Variants in ZNF431 observed in about 807,000 individuals in gnomAD.
The protein encoded by ZNF431 is zinc finger protein 431.
ZNF431 carries 34 observed loss-of-function variants against 57.0 expected under a neutral mutation model. The ratio of observed to expected loss-of-function variants is 0.60; its 90% CI spans 0.45 to 0.79. The LOEUF is 0.79. Ranked by LOEUF, ZNF431 falls within the 30% of genes least tolerant of loss-of-function variation. ZNF431 has a pLI of 0.00. For synonymous variants in ZNF431, 207 were observed against 220.3 expected (o/e 0.94, Z 0.54); for missense variants, 607 against 667.1 (o/e 0.91, Z 0.99).
Position 21,183,536 on chromosome 19 carries a change from G to T in ZNF431, c.1233G>T (p.Glu411Asp). The change falls in exon 5 of 5, where the codon GAG becomes GAT. Residue 411 changes from glutamate (E) to aspartate (D), a missense_variant. By Grantham distance (45) the Glu-to-Asp change is conservative (BLOSUM62 2). Coordinates refer to ENST00000311048, the MANE Select transcript of ZNF431 (RefSeq NM_133473.4). ...KCEVCGKAFN[E>D]SSNLTTHKMI... ...AAGTGTGTGGCAAAGCCTTTAATGA[G>T]TCCTCAAACCTTACTACACATAAGA... 1.2e-6 allele frequency: 2 copies of T among 1,612,720 alleles called. No individual in the cohort carries two copies. The highest frequency in any genetic ancestry group is 2.2e-5 in the East Asian group (1 of 44,784).
At chr19:21,156,226 G>C (rs560671768) in intron 2 of ZNF431, among the ~76,000 whole-genome samples, 127 of 152,296 alleles carry the variant, frequency 8.3e-4, no homozygotes, top group African/African-American at 2.9e-3. Context: ...CACCAAGCTA[G>C]GGTTCTGGGC....
At position 21,185,394 on chromosome 19, in the gene ZNF431, A is replaced by G. The variant is rs1354748478; in HGVS notation, c.*1360A>G. The G allele has an allele frequency of 6.6e-6, 1 of 152,156 alleles. No homozygotes were observed. Among genetic ancestry groups the G allele is most frequent in the Non-Finnish European group, 1.5e-5 (1 of 68,028 alleles). The allele number at this position is 152,156 out of a possible 1,614,324, so 9.4% of individuals were successfully genotyped here. On this transcript the variant is annotated 3_prime_UTR_variant, in exon 5 of 5. Transcript: ENST00000311048. Reference sequence around the variant, plus strand: ...TATTTCCTGTTGTTTCTTCATTCCTATTGGATTCACATGTGAAAGCATGGG... The same window carrying G: ...TATTTCCTGTTGTTTCTTCATTCCTGTTGGATTCACATGTGAAAGCATGGG...
At chr19:21,167,457 C>T (rs1044039142) in intron 3 of ZNF431, 114 bp from the exon 4 acceptor site, 1 of 759,876 alleles carries the variant, frequency 1.3e-6, no homozygotes, top group Non-Finnish European at 1.8e-6. Context: ...CTGCGCCCAG[C>T]CTTTGGATTA....
chr19:21,175,619 A>C, intron 4 of ZNF431: 1 of 505,098 alleles, frequency 2.0e-6, no homozygotes. Context: ...GTTTCCCTCC[A>C]TATGTCCATG....
In ZNF431 at chr19:21,195,328, G is replaced by T. The variant is rs973448596; in HGVS notation, c.*11294G>T. The T allele has an allele frequency of 1.3e-5, 2 of 152,130 alleles. No individual in the cohort carries two copies. The highest frequency in any genetic ancestry group is 2.9e-5 in the Non-Finnish European group (2 of 68,034). 9.4% of individuals were successfully genotyped at this position (152,130 alleles called of 1,614,324 possible). A position where few individuals can be genotyped will look rare whatever the true frequency, so the allele number is the denominator to read the frequency against. ...CTGGTAACTTCTCTCTGTGAGTTTT[G>T]AATTGGCTGATGTAACCAAAATGCC... On this transcript the variant is annotated 3_prime_UTR_variant, in exon 5 of 5. Transcript: ENST00000311048.
At chr19:21,142,699 A>C (rs973758572) in intron 1 of ZNF431, among the ~76,000 whole-genome samples, 9 of 152,258 alleles carry the variant, frequency 5.9e-5, no homozygotes, top group Admixed American at 1.3e-4. Context: ...CTTGAAGAAA[A>C]GACTTTTATA....
intron 4 of ZNF431, chr19:21,169,683 C>G (rs1038469818): frequency 2.5e-6 from 1 of 396,944 alleles, no homozygotes; most frequent in African/African-American, 2.1e-5. Flanking sequence ...AGGGCAGATA[C>G]CAGGGCAGAT....
chr19:21,177,069 A>T (rs1362878275), intron 4 of ZNF431, among the ~76,000 whole-genome samples: 1 of 152,168 alleles, frequency 6.6e-6, no homozygotes, highest in Non-Finnish European at 1.5e-5. Context: ...CTTTTCTTGC[A>T]ATTGCTTTTG....
chr19:21,155,163 T>G (rs1207531652), intron 2 of ZNF431, among the ~76,000 whole-genome samples: 1 of 152,322 alleles, frequency 6.6e-6, no homozygotes, highest in African/African-American at 2.4e-5. Flanking sequence ...GGTCTAACAT[T>G]TAAGTCTTTA....
At chr19:21,165,322 C>T (rs1970692772) in intron 2 of ZNF431, among the ~76,000 whole-genome samples, 1 of 152,046 alleles carries the variant, frequency 6.6e-6, no homozygotes, top group Admixed American at 6.6e-5. Flanking sequence ...CATCTAAACC[C>T]AGGAAGTTGT....
At chr19:21,167,136 G>T (rs1182267124) in intron 3 of ZNF431, among the ~76,000 whole-genome samples, 1 of 151,772 alleles carries the variant, frequency 6.6e-6, no homozygotes, top group Non-Finnish European at 1.5e-5. Context: ...GGGATTACAG[G>T]CGTGAGCCAC....
intron 2 of ZNF431, among the ~76,000 whole-genome samples, chr19:21,163,591 G>A (rs1024636409): frequency 1.3e-5 from 2 of 152,096 alleles, no homozygotes; most frequent in African/African-American, 2.4e-5. Context: ...GCACGATCTC[G>A]TCTCACTGCA....
chr19:21,166,504 G>T, intron 3 of ZNF431, 43 bp downstream of exon 3: 3 of 1,546,720 alleles, frequency 1.9e-6, no homozygotes, highest in East Asian at 2.4e-5. Flanking sequence ...TGCCCTAAAT[G>T]TTTCATGTCT....
Position 21,183,003 on chromosome 19 carries a change from T to C in ZNF431, c.700T>C (p.Cys234Arg). The change falls in exon 5 of 5, where the codon TGT (cysteine) becomes CGT (arginine). Residue 234 changes from cysteine to arginine, a missense_variant. Physicochemically the swap from Cys to Arg is radical, Grantham distance 180. Coordinates refer to ENST00000311048, the MANE Select transcript of ZNF431 (RefSeq NM_133473.4). Reference protein sequence around the residue: ...RIHIRENSYQCEECGKAFKWF... With the variant: ...RIHIRENSYQREECGKAFKWF... ...TCATATTAGAGAGAATTCTTACCAA[T>C]GTGAAGAATGTGGCAAAGCTTTTAA... 2.5e-6 allele frequency: 4 copies of C among 1,614,142 alleles called. No homozygotes were observed. The highest frequency in any genetic ancestry group is 3.4e-6 in the Non-Finnish European group (4 of 1,179,968).
In ZNF431 at chr19:21,186,957, T is replaced by C. The variant is rs1971387293; in HGVS notation, c.*2923T>C. 1 of 152,190 alleles carries C rather than the reference T, an allele frequency of 6.6e-6. No individual in the cohort carries two copies. The highest frequency in any genetic ancestry group is 1.9e-4 in the East Asian group (1 of 5,186). 9.4% of individuals were successfully genotyped at this position (152,190 alleles called of 1,614,324 possible). A position where few individuals can be genotyped will look rare whatever the true frequency, so the allele number is the denominator to read the frequency against. On this transcript the variant is annotated 3_prime_UTR_variant, in exon 5 of 5. Coordinates refer to ENST00000311048, the MANE Select transcript of ZNF431 (RefSeq NM_133473.4). ...TATTTATTGAGTCAATTTGTTCAGCTAAGTACTAGGGAGGCTTCATTAGTC... is the reference window on the plus strand; with the variant it reads ...TATTTATTGAGTCAATTTGTTCAGCCAAGTACTAGGGAGGCTTCATTAGTC...
intron 2 of ZNF431, chr19:21,149,827 C>T (rs951571823): frequency 1.1e-5 from 7 of 654,992 alleles, no homozygotes; most frequent in Non-Finnish European, 2.0e-5. Flanking sequence ...CTGAGTTAAC[C>T]TGTGTGAAGA....
chr19:21,167,981 G>A (rs978163359), intron 4 of ZNF431, among the ~76,000 whole-genome samples: 1 of 152,024 alleles, frequency 6.6e-6, no homozygotes, highest in Non-Finnish European at 1.5e-5. Context: ...TGTTTTGGGG[G>A]ACGCACAAAT....
intron 2 of ZNF431, among the ~76,000 whole-genome samples, chr19:21,152,704 TTCTCC>T (rs1970307367): frequency 6.6e-6 from 1 of 152,162 alleles, no homozygotes; most frequent in South Asian, 2.1e-4. Context: ...GAGACTCTAA[TTCTCC>T]TAAGTTGTGC....
chr19:21,168,704 ATT>A (rs1003529833), intron 4 of ZNF431, among the ~76,000 whole-genome samples: 42 of 147,586 alleles, frequency 2.8e-4, no homozygotes, highest in African/African-American at 9.8e-4. Flanking sequence ...GTCTTCTCTA[ATT>A]TTTTTCATTG....
Sources: gnomAD v4.1 joint callset for allele counts (sites outside exome capture counted in the v4.1 genomes callset) on GRCh38, gnomAD v4.1.1 for gene constraint, MANE v1.5 for transcripts, NCBI Gene and HGNC (gene_info 2026-07-23, HGNC 2026-07-21) for gene names.